The following FHOD3 variants were observed in gnomAD, a reference collection of about 807,000 sequenced individuals.
The protein encoded by FHOD3 is FH1/FH2 domain-containing protein 3.
FHOD3 carries 90 observed loss-of-function variants against 173.0 expected under a neutral mutation model. That is an observed-to-expected ratio of 0.52 (90% CI 0.44 to 0.62). The LOEUF (loss-of-function observed/expected upper bound fraction) is 0.62. Ranked by LOEUF, FHOD3 falls within the 20% of genes least tolerant of loss-of-function variation. The pLI, the probability that FHOD3 is intolerant of heterozygous loss-of-function variation, is 0.00. For missense variants in FHOD3, 1,945 were observed against 2,034.7 expected, an observed-to-expected ratio of 0.96 and a Z score of 0.85; for synonymous variants, 828 against 823.0, an observed-to-expected ratio of 1.01 and a Z score of -0.10.
intron 6 of FHOD3, among the ~76,000 whole-genome samples, chr18:36,583,139 G>T (rs1444985302): frequency 6.6e-6 from 1 of 152,194 alleles, no homozygotes; most frequent in Non-Finnish European, 1.5e-5. Flanking sequence ...CAGCCTGCAG[G>T]TTGACACTGA....
chr18:36,527,995 A>C (rs2056606236), intron 5 of FHOD3, among the ~76,000 whole-genome samples: 1 of 152,066 alleles, frequency 6.6e-6, no homozygotes, highest in South Asian at 2.1e-4. Flanking sequence ...GAGTATCCAT[A>C]ACCATTTGCC....
chr18:36,594,380 G>C (rs894639450), intron 6 of FHOD3, among the ~76,000 whole-genome samples: 1 of 152,080 alleles, frequency 6.6e-6, no homozygotes, highest in African/African-American at 2.4e-5. Context: ...TGCTGTTTCT[G>C]CTTCTTCACG....
chr18:36,537,637 C>A (rs1053719272), intron 5 of FHOD3, among the ~76,000 whole-genome samples: 2 of 152,144 alleles, frequency 1.3e-5, no homozygotes, highest in African/African-American at 4.8e-5. Flanking sequence ...ATGAAAAGTT[C>A]TGGCCACTTA....
chr18:36,760,422 A>C (rs1221556635), intron 26 of FHOD3, among the ~76,000 whole-genome samples, 186 bp from the exon 27 acceptor site: 2 of 152,176 alleles, frequency 1.3e-5, no homozygotes, highest in Non-Finnish European at 1.5e-5. Context: ...TTTCTGTCTC[A>C]TATTAGATCT....
chr18:36,734,184 C>T (rs541495543), intron 20 of FHOD3, among the ~76,000 whole-genome samples: 8 of 152,288 alleles, frequency 5.3e-5, no homozygotes, highest in African/African-American at 1.4e-4. Flanking sequence ...TTTATTGCAT[C>T]GTGAGTCCTC....
chr18:36,720,648 A>T (rs1176869816), intron 19 of FHOD3, among the ~76,000 whole-genome samples: 3 of 151,826 alleles, frequency 2.0e-5, no homozygotes, highest in African/African-American at 7.3e-5. Flanking sequence ...TGCTGACACC[A>T]CCTTCCAACC....
chr18:36,728,197 T>C (rs2041174912), intron 19 of FHOD3, among the ~76,000 whole-genome samples: 1 of 152,168 alleles, frequency 6.6e-6, no homozygotes. Context: ...CAGAGTCCTG[T>C]TGCTGAGTGG....
chr18:36,300,222 A>C (rs1568090283), intron 1 of FHOD3, among the ~76,000 whole-genome samples: 1 of 152,198 alleles, frequency 6.6e-6, no homozygotes, highest in East Asian at 1.9e-4. Context: ...ACTGAGATTC[A>C]AACCAGCCCT....
chr18:36,362,298 G>T (rs776071331), intron 2 of FHOD3, among the ~76,000 whole-genome samples: 7 of 152,192 alleles, frequency 4.6e-5, no homozygotes, highest in Admixed American at 2.0e-4. Flanking sequence ...GGTTGGGGAG[G>T]GAGGGGGCTG....
intron 3 of FHOD3, among the ~76,000 whole-genome samples, chr18:36,466,983 T>TA (rs2052981803): frequency 6.6e-6 from 1 of 152,104 alleles, no homozygotes; most frequent in Non-Finnish European, 1.5e-5. Flanking sequence ...CCCTAGATTT[T>TA]AAAAAACTTA....
intron 3 of FHOD3, among the ~76,000 whole-genome samples, chr18:36,449,314 G>A (rs992673454): frequency 3.3e-5 from 5 of 152,048 alleles, no homozygotes; most frequent in Non-Finnish European, 7.4e-5. Flanking sequence ...GTAAAACATA[G>A]GGAAGGCACA....
chr18:36,573,060 G>A lies in FHOD3; in HGVS notation c.512-3391G>A, dbSNP rs1368194990. 2.0e-5 allele frequency among the ~76,000 whole-genome samples: 3 copies of A among 152,040 alleles called. No homozygotes were observed. In the East Asian group the frequency reaches 5.8e-4, roughly 29 times the overall value. The stretch of plus-strand genomic sequence containing the variant: ...GCTGCATCTTTCTGCAGGAGGGTGG[G>A]GGTGGTGGTGGTAAGAAAGGATGCA... On this transcript the variant is annotated intron_variant, in intron 5 of 28. Transcript: ENST00000590592.
intron 3 of FHOD3, among the ~76,000 whole-genome samples, chr18:36,411,763 G>C (rs2049362384): frequency 6.6e-6 from 1 of 152,206 alleles, no homozygotes; most frequent in African/African-American, 2.4e-5. Context: ...CCAAGATTCT[G>C]ATTCCTATTT....
At chr18:36,717,742 A>G in intron 18 of FHOD3, 90 bp from the exon 19 acceptor site, 6 of 1,488,862 alleles carry the variant, frequency 4.0e-6, no homozygotes, top group Non-Finnish European at 5.4e-6. Flanking sequence ...AGTCACTCCC[A>G]TGTGTCAGGC....
chr18:36,756,650 G>A (rs1418462832), intron 25 of FHOD3, among the ~76,000 whole-genome samples: 1 of 152,304 alleles, frequency 6.6e-6, no homozygotes, highest in East Asian at 1.9e-4. Flanking sequence ...TACATGGAAG[G>A]CCAGACACAT....
At chr18:36,361,477 G>A (rs941031764) in intron 2 of FHOD3, among the ~76,000 whole-genome samples, 1 of 152,072 alleles carries the variant, frequency 6.6e-6, no homozygotes, top group Non-Finnish European at 1.5e-5. Context: ...CTTGAGGTTA[G>A]GAGTTCGCTA....
At position 36,704,650 on chromosome 18, in the gene FHOD3, C is replaced by T. The variant is rs150857720; in HGVS notation, c.2237-4445C>T. Among the ~76,000 whole-genome samples, 423 of 152,300 alleles carry T rather than the reference C, an allele frequency of 2.8e-3. 1 individual carries two copies. The highest frequency in any genetic ancestry group is 0.01 in the Middle Eastern group (3 of 294). On this transcript the variant is annotated intron_variant, in intron 17 of 28. Transcript: ENST00000590592. Reference sequence around the variant, plus strand: ...TGGGGAAGGGACACTCTGCTCCTTCCTGCCTGGCCACCCTGGCACGGGCCT... The same window carrying T: ...TGGGGAAGGGACACTCTGCTCCTTCTTGCCTGGCCACCCTGGCACGGGCCT...
At chr18:36,345,396 G>A (rs2045833132) in intron 1 of FHOD3, among the ~76,000 whole-genome samples, 1 of 152,104 alleles carries the variant, frequency 6.6e-6, no homozygotes. Context: ...AGATCCTGTG[G>A]ACTATAGCTA....
At chr18:36,650,294 G>C (rs889484856) in intron 11 of FHOD3, among the ~76,000 whole-genome samples, 1 of 151,858 alleles carries the variant, frequency 6.6e-6, no homozygotes, top group African/African-American at 2.4e-5. Context: ...ATTTAATGGA[G>C]TCTTTGCTAC....
Sources: allele counts gnomAD v4.1 joint callset (sites outside exome capture counted in the v4.1 genomes callset), GRCh38; gene constraint gnomAD v4.1.1; transcripts MANE v1.5; gene names NCBI Gene and HGNC (gene_info 2026-07-23, HGNC 2026-07-21).